FRMPD1: variants seen among roughly 807,000 people sequenced by gnomAD.
FRMPD1 encodes FERM and PDZ domain-containing protein 1.
In FRMPD1, 76 loss-of-function variants were observed where a neutral mutation model predicts 117.8. The observed-to-expected ratio is 0.65, with a 90% CI of 0.54 to 0.78. The LOEUF (loss-of-function observed/expected upper bound fraction) is 0.78. FRMPD1 is among the 30% of genes least tolerant of loss of function. FRMPD1 has a pLI of 0.00. For missense variants in FRMPD1, 1,786 were observed against 1,964.5 expected, an observed-to-expected ratio of 0.91 and a Z score of 1.72; for synonymous variants, 783 against 770.4, an observed-to-expected ratio of 1.02 and a Z score of -0.27.
chr9:37,688,964 A>G (rs1563932451), intron 1 of FRMPD1, among the ~76,000 whole-genome samples: 1 of 152,112 alleles, frequency 6.6e-6, no homozygotes, highest in Non-Finnish European at 1.5e-5. Context: ...AACATTATTA[A>G]AAATCATTTA....
intron 7 of FRMPD1, among the ~76,000 whole-genome samples, chr9:37,729,091 C>CA (rs1823746686): frequency 2.0e-5 from 3 of 151,440 alleles, no homozygotes; most frequent in African/African-American, 4.9e-5. Flanking sequence ...ACTAAAAATA[C>CA]AAAAAAACTA....
intron 1 of FRMPD1, among the ~76,000 whole-genome samples, chr9:37,669,449 A>G (rs1200432149): frequency 6.6e-6 from 1 of 152,170 alleles, no homozygotes; most frequent in African/African-American, 2.4e-5. Flanking sequence ...CCTCCAGGTG[A>G]TCTGATAGGC....
chr9:37,740,187 C>T lies in FRMPD1; in HGVS notation c.1659C>T (p.Leu553=), dbSNP rs768100048. ...RLVKLAPCRS[L]IKEEQPPGNS... Reference sequence around the variant, plus strand: ...TGAAACTGGCACCCTGCAGATCACTCATAAAGGAGGAGCAGCCTCCTGGGA... The same window carrying T: ...TGAAACTGGCACCCTGCAGATCACTTATAAAGGAGGAGCAGCCTCCTGGGA... Residue 553 remains leucine (L), a synonymous_variant, in exon 15 of 16, where the codon CTC becomes CTT. Transcript: ENST00000377765. The surrounding 1 kb of genome is among the most constrained non-coding windows in gnomAD (Gnocchi z 4.2). The T allele has an allele frequency of 6.2e-7, 1 of 1,613,982 alleles. No homozygotes were observed. The highest frequency in any genetic ancestry group is 2.2e-5 in the East Asian group (1 of 44,876).
At chr9:37,640,723 T>A in the FRMPD1 span, among the ~76,000 whole-genome samples, 3 of 152,170 alleles carry the variant, frequency 2.0e-5, no homozygotes, top group Non-Finnish European at 4.4e-5. Context: ...TGAAAAAAAA[T>A]TATGTTTTAA....
chr9:37,727,996 A>T (rs996925786), intron 7 of FRMPD1: 1 of 152,246 alleles, frequency 6.6e-6, no homozygotes, highest in African/African-American at 2.4e-5. Context: ...AGCACAGCAC[A>T]GGCAAGGCCC....
the FRMPD1 span, among the ~76,000 whole-genome samples, chr9:37,606,539 G>A: frequency 6.6e-6 from 1 of 152,088 alleles, no homozygotes; most frequent in South Asian, 2.1e-4. Flanking sequence ...AAGAGAGGTT[G>A]GTGTATAAAG....
the FRMPD1 span, among the ~76,000 whole-genome samples, chr9:37,610,108 T>C: frequency 6.6e-6 from 1 of 152,250 alleles, no homozygotes; most frequent in African/African-American, 2.4e-5. Context: ...GTTTTCTTAA[T>C]TTGTTGTCTC....
chr9:37,645,949 C>A, the FRMPD1 span, among the ~76,000 whole-genome samples: 1 of 152,150 alleles, frequency 6.6e-6, no homozygotes, highest in Admixed American at 6.5e-5. Flanking sequence ...ATTGCCTCTT[C>A]TTATAGAGGA....
At chr9:37,693,740 G>C (rs557795262) in intron 2 of FRMPD1, among the ~76,000 whole-genome samples, 1 of 152,160 alleles carries the variant, frequency 6.6e-6, no homozygotes, top group South Asian at 2.1e-4. Context: ...GTATGCTCCA[G>C]CTAAAGGGAA....
the FRMPD1 span, among the ~76,000 whole-genome samples, chr9:37,641,139 C>G: frequency 1.3e-5 from 2 of 152,210 alleles, no homozygotes; most frequent in South Asian, 4.1e-4. Flanking sequence ...CTGCCCACCG[C>G]AGCCTCCCAA....
Position 37,731,084 on chromosome 9 carries a change from T to G in FRMPD1, c.839T>G (p.Phe280Cys). The change falls in exon 9 of 16, where the codon TTT (phenylalanine) becomes TGT (cysteine). Residue 280 changes from phenylalanine to cysteine, a missense_variant. Physicochemically the swap from Phe to Cys is radical, Grantham distance 205. Transcript: ENST00000377765. Reference sequence around the variant, plus strand: ...CTCCTGAAAGAAGACCCCGTGGCCTTTGAATACCTCTATCTGCAGGTGACT... The same window carrying G: ...CTCCTGAAAGAAGACCCCGTGGCCTGTGAATACCTCTATCTGCAGGTGACT... ...LDLLKEDPVA[F>C]EYLYLQSCSD... 1.2e-6 allele frequency: 2 copies of G among 1,613,720 alleles called. No individual in the cohort carries two copies. The highest frequency in any genetic ancestry group is 1.7e-6 in the Non-Finnish European group (2 of 1,179,622).
At chr9:37,719,799 A>G (rs1419811902) in intron 6 of FRMPD1, among the ~76,000 whole-genome samples, 1 of 152,150 alleles carries the variant, frequency 6.6e-6, no homozygotes, top group Non-Finnish European at 1.5e-5. Flanking sequence ...TTTGATATGG[A>G]GGGACCCAGG....
At chr9:37,698,091 G>T (rs1822390648) in intron 2 of FRMPD1, among the ~76,000 whole-genome samples, 1 of 152,230 alleles carries the variant, frequency 6.6e-6, no homozygotes, top group East Asian at 1.9e-4. Flanking sequence ...TCCAGCCTGG[G>T]CAATGGAGTG....
intron 1 of FRMPD1, among the ~76,000 whole-genome samples, chr9:37,672,080 G>A (rs998076154): frequency 6.6e-6 from 1 of 152,076 alleles, no homozygotes; most frequent in African/African-American, 2.4e-5. Flanking sequence ...TGAGTATGAG[G>A]TTTCTTTCTT....
At chr9:37,692,612 C>G (rs900128739) in intron 1 of FRMPD1, 26 bp from the exon 2 acceptor site, 3 of 1,458,924 alleles carry the variant, frequency 2.1e-6, no homozygotes, top group Non-Finnish European at 2.9e-6. Context: ...TGGTTAGCAT[C>G]TTAAGAACAC....
chr9:37,741,384 G>A (rs1824408106), intron 15 of FRMPD1, among the ~76,000 whole-genome samples: 1 of 148,300 alleles, frequency 6.7e-6, no homozygotes, highest in South Asian at 2.2e-4. Context: ...TTTCTATCAG[G>A]TTCCTCATAC....
rs768223771 is a variant in FRMPD1, at chr9:37,707,525, T to C, written c.211T>C (p.Phe71Leu). The C allele has an allele frequency of 1.4e-5, 22 of 1,613,920 alleles. No homozygotes were observed. The highest frequency in any genetic ancestry group is 1.2e-5 in the Non-Finnish European group (14 of 1,179,920). ...DKDTLLQDYG[F>L]HISESLPLTV... is the part of the protein sequence containing the mutation. ...AGACACCCTCCTCCAGGACTATGGATTTCACATTTCTGAGAGCCTTCCCCT... is the reference window on the plus strand; with the variant it reads ...AGACACCCTCCTCCAGGACTATGGACTTCACATTTCTGAGAGCCTTCCCCT... The change falls in exon 3 of 16, where the codon TTT (phenylalanine) becomes CTT (leucine). Residue 71 changes from phenylalanine (F) to leucine (L), a missense_variant. Physicochemically the swap from Phe to Leu is conservative, Grantham distance 22. Coordinates refer to ENST00000377765, the MANE Select transcript of FRMPD1 (RefSeq NM_014907.3).
Position 37,737,310 on chromosome 9 carries a change from C to G in FRMPD1, c.1549+67C>G. ...CACTGGCCTTGTAGGTAAGGGCAGCCTAAAGGGAGGTGGTGAATTGAATTG... is the reference window on the plus strand; with the variant it reads ...CACTGGCCTTGTAGGTAAGGGCAGCGTAAAGGGAGGTGGTGAATTGAATTG... On this transcript the variant is annotated intron_variant, in intron 14 of 15. Transcript: ENST00000377765. The G allele has an allele frequency of 2.1e-6, 3 of 1,457,572 alleles. No homozygotes were observed. The South Asian group carries it at 3.5e-5, about 17-fold the overall frequency. 90.3% of individuals were successfully genotyped at this position (1,457,572 alleles called of 1,614,324 possible).
the FRMPD1 span, among the ~76,000 whole-genome samples, chr9:37,614,679 A>AG: frequency 6.6e-6 from 1 of 152,226 alleles, no homozygotes; most frequent in East Asian, 1.9e-4. Flanking sequence ...AATGTACATA[A>AG]CCAGGATGCT....
Sources: allele counts gnomAD v4.1 joint callset (sites outside exome capture counted in the v4.1 genomes callset), GRCh38; gene constraint gnomAD v4.1.1; non-coding constraint Gnocchi (gnomAD v3.1); transcripts MANE v1.5; gene names NCBI Gene and HGNC (gene_info 2026-07-23, HGNC 2026-07-21).